Variants in ITFG1 observed in about 807,000 individuals in gnomAD.
ITFG1 encodes integrin alpha FG-GAP repeat containing 1, also known as T-cell immunomodulatory protein.
Under a neutral mutation model 81.8 loss-of-function variants are expected in ITFG1, and 34 were observed. The ratio of observed to expected loss-of-function variants is 0.42; its 90% CI spans 0.32 to 0.55. The LOEUF is 0.55. Ranked by LOEUF, ITFG1 falls within the 20% of genes least tolerant of loss-of-function variation. The pLI is 0.17. For synonymous variants in ITFG1, 285 were observed against 270.6 expected, an observed-to-expected ratio of 1.05 and a Z score of -0.52; for missense variants, 672 against 755.4, an observed-to-expected ratio of 0.89 and a Z score of 1.29.
chr16:47,298,192 C>A (rs1016192047), intron 10 of ITFG1, among the ~76,000 whole-genome samples: 5 of 151,984 alleles, frequency 3.3e-5, no homozygotes, highest in Admixed American at 3.3e-4. Flanking sequence ...ATATCCATCT[C>A]GTTGGTACAC....
intron 16 of ITFG1, among the ~76,000 whole-genome samples, chr16:47,159,226 T>C (rs1004017905): frequency 7.9e-5 from 12 of 152,328 alleles, no homozygotes; most frequent in Middle Eastern, 3.4e-3. Flanking sequence ...AATAGAATTT[T>C]TGATGAGATA....
chr16:47,307,050 C>T (rs1014639680), intron 10 of ITFG1, among the ~76,000 whole-genome samples: 4 of 133,298 alleles, frequency 3.0e-5, no homozygotes, highest in South Asian at 2.4e-4. Context: ...GTGGAGATTG[C>T]GCCACTGCAC....
At chr16:47,297,317 C>G (rs1312993722) in intron 10 of ITFG1, among the ~76,000 whole-genome samples, 3 of 152,126 alleles carry the variant, frequency 2.0e-5, no homozygotes, top group African/African-American at 7.2e-5. Context: ...AGTGTCTTTA[C>G]CAGCTGAGAG....
At chr16:47,363,601 A>C (rs1968137675) in intron 8 of ITFG1, among the ~76,000 whole-genome samples, 1 of 152,230 alleles carries the variant, frequency 6.6e-6, no homozygotes. Context: ...CATGAACTCA[A>C]AAGTTCTATG....
intron 14 of ITFG1, among the ~76,000 whole-genome samples, chr16:47,210,066 G>A (rs1965546015): frequency 6.6e-6 from 1 of 152,094 alleles, no homozygotes; most frequent in Non-Finnish European, 1.5e-5. Flanking sequence ...ATAAATGCCT[G>A]GGACTGCAAT....
chr16:47,425,508 A>C (rs1969008796), intron 6 of ITFG1, among the ~76,000 whole-genome samples: 1 of 151,848 alleles, frequency 6.6e-6, no homozygotes, highest in African/African-American at 2.4e-5. Context: ...GAAATGCACA[A>C]ATCACCCGTC....
chr16:47,214,416 ATGT>A (rs1965600628), intron 14 of ITFG1, among the ~76,000 whole-genome samples: 1 of 152,208 alleles, frequency 6.6e-6, no homozygotes, highest in African/African-American at 2.4e-5. Flanking sequence ...TGGTCTAATA[ATGT>A]TGTTATTCAT....
intron 8 of ITFG1, among the ~76,000 whole-genome samples, chr16:47,354,301 A>G (rs1439391821): frequency 6.6e-6 from 1 of 152,194 alleles, no homozygotes; most frequent in Non-Finnish European, 1.5e-5. Context: ...CACACTGGGG[A>G]AAGGACAGTC....
intron 5 of ITFG1, among the ~76,000 whole-genome samples, chr16:47,430,127 C>T (rs938804848): frequency 6.7e-6 from 1 of 150,084 alleles, no homozygotes; most frequent in African/African-American, 2.5e-5. Flanking sequence ...GTGCGATTTC[C>T]GCTCACTGCA....
At chr16:47,394,073 T>G (rs1459389896) in intron 6 of ITFG1, among the ~76,000 whole-genome samples, 3 of 152,208 alleles carry the variant, frequency 2.0e-5, no homozygotes, top group Non-Finnish European at 4.4e-5. Flanking sequence ...AAAGATATAC[T>G]GCAGAGCAGC....
chr16:47,289,057 G>A (rs922625467), intron 10 of ITFG1, among the ~76,000 whole-genome samples: 6 of 152,092 alleles, frequency 3.9e-5, no homozygotes, highest in South Asian at 2.1e-4. Flanking sequence ...GAGTTTTTAC[G>A]ATGAAGGATG....
intron 6 of ITFG1, among the ~76,000 whole-genome samples, chr16:47,386,329 A>G (rs1444015247): frequency 1.3e-5 from 2 of 152,192 alleles, no homozygotes; most frequent in African/African-American, 4.8e-5. Context: ...TCCTCCTCCT[A>G]GCTCAGTGTG....
At chr16:47,276,456 T>TTAAA (rs1306472271) in intron 10 of ITFG1, among the ~76,000 whole-genome samples, 3 of 152,160 alleles carry the variant, frequency 2.0e-5, no homozygotes, top group Middle Eastern at 3.2e-3. Flanking sequence ...AAATTAATCT[T>TTAAA]TAAATAAAAT....
At chr16:47,248,738 G>A (rs1374593050) in intron 12 of ITFG1, among the ~76,000 whole-genome samples, 2 of 152,142 alleles carry the variant, frequency 1.3e-5, no homozygotes, top group African/African-American at 4.8e-5. Flanking sequence ...TTTTAAAAGT[G>A]AGACAGTTAT....
chr16:47,345,036 G>A lies in ITFG1; in HGVS notation c.802+20752C>T, dbSNP rs150356094. On this transcript the variant is annotated intron_variant, in intron 8 of 17. Transcript: ENST00000320640. The stretch of plus-strand genomic sequence containing the variant: ...AGAAATATGAAAAGTTATGGTCTCT[G>A]TCTTCAAGGAACTCCCAGGAAAGTG... Among the ~76,000 whole-genome samples the A allele has an allele frequency of 4.2e-3, 640 of 152,272 alleles. 6 individuals are homozygous for A. The highest frequency in any genetic ancestry group is 0.015 in the African/African-American group (610 of 41,560).
chr16:47,453,868 A>T (rs1969418615), intron 3 of ITFG1, 145 bp downstream of exon 3: 2 of 622,514 alleles, frequency 3.2e-6, no homozygotes, highest in Non-Finnish European at 5.5e-6. Flanking sequence ...TTGAAAAAGA[A>T]AAATCAGGAA....
At chr16:47,204,084 C>T (rs1412431220) in intron 14 of ITFG1, among the ~76,000 whole-genome samples, 1 of 152,160 alleles carries the variant, frequency 6.6e-6, no homozygotes, top group African/African-American at 2.4e-5. Context: ...AGTCCCCACC[C>T]CTGCCAAATA....
At chr16:47,205,731 T>A (rs751576889) in intron 14 of ITFG1, among the ~76,000 whole-genome samples, 1 of 152,096 alleles carries the variant, frequency 6.6e-6, no homozygotes, top group African/African-American at 2.4e-5. Context: ...CACACAGAGA[T>A]TGAACATCCA....
intron 14 of ITFG1, among the ~76,000 whole-genome samples, chr16:47,169,367 C>G (rs1055117272): frequency 6.6e-6 from 1 of 152,034 alleles, no homozygotes; most frequent in Admixed American, 6.5e-5. Flanking sequence ...TTTAATTTCT[C>G]TCAGCAATGT....
Sources: allele counts gnomAD v4.1 joint callset (sites outside exome capture counted in the v4.1 genomes callset), GRCh38; gene constraint gnomAD v4.1.1; transcripts MANE v1.5; gene names NCBI Gene and HGNC (gene_info 2026-07-23, HGNC 2026-07-21).